The following TNFSF13B variants were observed in gnomAD, a reference collection of about 807,000 sequenced individuals.
The protein encoded by TNFSF13B is tumor necrosis factor ligand superfamily member 13B.
Under a neutral mutation model 29.1 loss-of-function variants are expected in TNFSF13B, and 8 were observed. The ratio of observed to expected loss-of-function variants is 0.27; its 90% CI spans 0.16 to 0.50. The LOEUF (loss-of-function observed/expected upper bound fraction) is 0.50, where lower values mean the gene tolerates loss of function less well. Among genes scored for constraint, TNFSF13B ranks in the 20% least tolerant of loss-of-function variants. The probability of loss-of-function intolerance (pLI) is 0.98; values close to 1 mark genes in which losing one functional copy is unlikely to be tolerated. For missense variants in TNFSF13B, 248 were observed against 334.9 expected, an observed-to-expected ratio of 0.74 and a Z score of 2.03; for synonymous variants, 125 against 130.8, an observed-to-expected ratio of 0.96 and a Z score of 0.30.
At chr13:108,284,305 G>T (rs1047412093) in intron 2 of TNFSF13B, among the ~76,000 whole-genome samples, 3 of 151,970 alleles carry the variant, frequency 2.0e-5, no homozygotes, top group Non-Finnish European at 4.4e-5. Flanking sequence ...CTCCAGCCTG[G>T]GCGACAGAGC....
intron 2 of TNFSF13B, among the ~76,000 whole-genome samples, chr13:108,278,440 T>A (rs533045698): frequency 6.6e-6 from 1 of 152,058 alleles, no homozygotes; most frequent in South Asian, 2.1e-4. Flanking sequence ...GAAAAGGCCT[T>A]GTTTTAGTAG....
intron 3 of TNFSF13B, among the ~76,000 whole-genome samples, chr13:108,298,338 A>G (rs1881513236): frequency 6.9e-6 from 1 of 145,704 alleles, no homozygotes; most frequent in Admixed American, 6.8e-5. Context: ...CCCAGGATAC[A>G]TTAAACTGAT....
intron 2 of TNFSF13B, among the ~76,000 whole-genome samples, chr13:108,283,811 C>A (rs1458667594): frequency 1.3e-5 from 2 of 152,104 alleles, no homozygotes; most frequent in African/African-American, 4.8e-5. Flanking sequence ...TGGGTTCTCA[C>A]GTGGGGAAAA....
chr13:108,293,989 T>C (rs1881395063), intron 3 of TNFSF13B, among the ~76,000 whole-genome samples: 1 of 152,178 alleles, frequency 6.6e-6, no homozygotes, highest in Non-Finnish European at 1.5e-5. Flanking sequence ...TTTCAACATA[T>C]CAATTTTGGG....
intron 5 of TNFSF13B, among the ~76,000 whole-genome samples, chr13:108,306,151 A>T (rs1881770301): frequency 6.6e-6 from 1 of 152,086 alleles, no homozygotes; most frequent in African/African-American, 2.4e-5. Context: ...CTTGTAAATT[A>T]GTTGCACACA....
chr13:108,278,235 T>C (rs1480499924), intron 2 of TNFSF13B, among the ~76,000 whole-genome samples: 1 of 152,100 alleles, frequency 6.6e-6, no homozygotes, highest in African/African-American at 2.4e-5. Context: ...GGTATTACGA[T>C]TAATGCCAGT....
At chr13:108,289,288 G>A (rs1157802823) in intron 3 of TNFSF13B, among the ~76,000 whole-genome samples, 3 of 152,024 alleles carry the variant, frequency 2.0e-5, no homozygotes, top group Non-Finnish European at 2.9e-5. Flanking sequence ...ATCCAGGGGT[G>A]CTGAACTGGG....
chr13:108,293,805 G>A (rs897659970), intron 3 of TNFSF13B, among the ~76,000 whole-genome samples: 2 of 152,194 alleles, frequency 1.3e-5, no homozygotes, highest in African/African-American at 2.4e-5. Context: ...AACAGATTTG[G>A]TTTGTGAATG....
chr13:108,273,803 A>G (rs1880686179), intron 2 of TNFSF13B, among the ~76,000 whole-genome samples: 1 of 152,152 alleles, frequency 6.6e-6, no homozygotes, highest in East Asian at 1.9e-4. Flanking sequence ...TGATGCTGGA[A>G]ATGCTCCCAG....
Position 108,306,942 on chromosome 13 carries a change from A to T in TNFSF13B, c.*4A>T. The T allele has an allele frequency of 2.0e-6, 3 of 1,533,382 alleles. No individual in the cohort carries two copies. Among genetic ancestry groups the T allele is most frequent in the Non-Finnish European group, 2.7e-6 (3 of 1,123,678 alleles). 95.0% of individuals were successfully genotyped at this position (1,533,382 alleles called of 1,614,324 possible). The stretch of plus-strand genomic sequence containing the variant: ...TGGTGCATTGAAACTGCTGTGACCT[A>T]CTTACACCATGTCTGTAGCTATTTT... On this transcript the variant is annotated 3_prime_UTR_variant, in exon 6 of 6. Coordinates refer to ENST00000375887, the MANE Select transcript of TNFSF13B (RefSeq NM_006573.5).
At chr13:108,272,022 TTA>T (rs1370233121) in intron 2 of TNFSF13B, among the ~76,000 whole-genome samples, 2 of 152,172 alleles carry the variant, frequency 1.3e-5, no homozygotes, top group East Asian at 3.8e-4. Flanking sequence ...TCAAAATGAG[TTA>T]TACATGCAAT....
At chr13:108,290,971 A>AT (rs1250941304) in intron 3 of TNFSF13B, among the ~76,000 whole-genome samples, 1 of 151,986 alleles carries the variant, frequency 6.6e-6, no homozygotes, top group African/African-American at 2.4e-5. Flanking sequence ...CTGTGAGGGC[A>AT]TCACAGTCTT....
intron 3 of TNFSF13B, among the ~76,000 whole-genome samples, chr13:108,298,535 A>G (rs1179549809): frequency 6.9e-6 from 1 of 145,690 alleles, no homozygotes; most frequent in Non-Finnish European, 1.5e-5. Context: ...AAAATCAATT[A>G]TAGTAAGTCT....
chr13:108,280,577 A>G (rs1278874098), intron 2 of TNFSF13B, among the ~76,000 whole-genome samples: 1 of 152,234 alleles, frequency 6.6e-6, no homozygotes, highest in Admixed American at 6.5e-5. Context: ...AGAATATATT[A>G]TTAATAAATT....
intron 2 of TNFSF13B, among the ~76,000 whole-genome samples, chr13:108,283,621 C>G (rs1054533602): frequency 3.3e-5 from 5 of 152,190 alleles, no homozygotes; most frequent in African/African-American, 4.8e-5. Flanking sequence ...CATAGAACAT[C>G]TAAATCTGCC....
rs1258759331 is a variant in TNFSF13B, at chr13:108,296,746, T to C, written c.482-6507T>C. Among the ~76,000 whole-genome samples, 10 of 145,504 alleles carry C rather than the reference T, an allele frequency of 6.9e-5. 1 individual carries two copies. Among genetic ancestry groups the C allele is most frequent in the Admixed American group, 6.8e-4 (10 of 14,726 alleles). On this transcript the variant is annotated intron_variant, in intron 3 of 5. Transcript: ENST00000375887. Reference sequence around the variant, plus strand: ...TTATAAGTACATCATTTTGTTTTTCTCTTAATTTCTTTTTGTGCATTTTTA... The same window carrying C: ...TTATAAGTACATCATTTTGTTTTTCCCTTAATTTCTTTTTGTGCATTTTTA...
chr13:108,302,971 C>T (rs941900061), intron 3 of TNFSF13B: 4 of 567,982 alleles, frequency 7.0e-6, no homozygotes, highest in Admixed American at 5.0e-5. Flanking sequence ...ATGAAATAGC[C>T]GAAATATAGA....
chr13:108,293,868 T>C (rs1386916362), intron 3 of TNFSF13B, among the ~76,000 whole-genome samples: 1 of 152,198 alleles, frequency 6.6e-6, no homozygotes, highest in Non-Finnish European at 1.5e-5. Context: ...AAAAGCAAGT[T>C]CTTGTGTCTT....
intron 2 of TNFSF13B, among the ~76,000 whole-genome samples, chr13:108,284,125 C>T (rs570201390): frequency 1.3e-3 from 192 of 152,168 alleles, no homozygotes; most frequent in African/African-American, 4.3e-3. Context: ...GTCAGGAGAT[C>T]GAGACCATCC....
Sources: allele counts gnomAD v4.1 joint callset (sites outside exome capture counted in the v4.1 genomes callset), GRCh38; gene constraint gnomAD v4.1.1; transcripts MANE v1.5; gene names NCBI Gene and HGNC (gene_info 2026-07-23, HGNC 2026-07-21).